The following COMTD1 variants were observed in gnomAD, a reference collection of about 807,000 sequenced individuals.
The protein encoded by COMTD1 is catechol O-methyltransferase domain-containing protein 1.
A neutral mutation model predicts 33.6 loss-of-function variants in COMTD1; 35 were observed. The observed-to-expected ratio is 1.04, with a 90% CI of 0.80 to 1.38. COMTD1 has a LOEUF of 1.38. COMTD1 is among the 40% of genes most tolerant of loss of function. The pLI, the probability that COMTD1 is intolerant of heterozygous loss-of-function variation, is 0.00. For synonymous variants in COMTD1, 160 were observed against 176.8 expected (o/e 0.91, Z 0.75); for missense variants, 370 against 363.4 (o/e 1.02, Z -0.15).
chr10:75,235,534 G>C (rs2132294298), intron 2 of COMTD1, 82 bp downstream of exon 2: 3 of 1,452,786 alleles, frequency 2.1e-6, no homozygotes, highest in Non-Finnish European at 2.7e-6. Flanking sequence ...GGGAGGGCCA[G>C]GGCCCAGCCC....
At chr10:75,234,346 T>C in intron 6 of COMTD1, 121 bp from the exon 7 acceptor site, 1 of 1,026,096 alleles carries the variant, frequency 9.7e-7, no homozygotes, top group Non-Finnish European at 1.3e-6. Flanking sequence ...TGGAGGGAGG[T>C]GCCCAGACGG....
Position 75,234,018 on chromosome 10 carries a change from A to C in COMTD1, c.*55T>G. ...ATTTTCGAATTTAAAACTCAGGGTC[A>C]ATTCCTGGGGTTCCCAGGCAACCCT... is the stretch of plus-strand genomic sequence containing the variant. On this transcript the variant is annotated 3_prime_UTR_variant, in exon 7 of 7. Coordinates refer to ENST00000372538, the MANE Select transcript of COMTD1 (RefSeq NM_144589.4). 1 of 1,613,024 alleles carries C rather than the reference A, an allele frequency of 6.2e-7. No individual in the cohort carries two copies. Among genetic ancestry groups the C allele is most frequent in the South Asian group, 1.1e-5 (1 of 91,072 alleles).
chr10:75,234,856 G>A, intron 5 of COMTD1, 82 bp downstream of exon 5: 1 of 1,530,426 alleles, frequency 6.5e-7, no homozygotes. Flanking sequence ...TAACCTGCCC[G>A]GCAGGCCCAG....
Position 75,234,208 on chromosome 10 carries a change from C to G in COMTD1, c.654G>C (p.Lys218Asn). ...LAVLRVLWRG[K>N]VLQPPKGDVA... ...CGTCCCCTTTCGGAGGTTGCAGCACCTTCCCGCGCCACAGGACCTGCGGGA... is the reference window on the plus strand; with the variant it reads ...CGTCCCCTTTCGGAGGTTGCAGCACGTTCCCGCGCCACAGGACCTGCGGGA... The change falls in exon 7 of 7, where the codon AAG (lysine) becomes AAC (asparagine). Residue 218 changes from lysine (K) to asparagine (N), a missense_variant. Physicochemically the swap from Lys to Asn is moderately conservative, Grantham distance 94 (BLOSUM62 0). Transcript: ENST00000372538. 1 of 1,612,248 alleles carries G rather than the reference C, an allele frequency of 6.2e-7. No individual in the cohort carries two copies. The highest frequency in any genetic ancestry group is 8.5e-7 in the Non-Finnish European group (1 of 1,179,882).
rs1379456325 is a variant in COMTD1, at chr10:75,234,011, CAG to C, written c.*60_*61del. ...CCACTTTATTTTCGAATTTAAAACTCAGGGTCAATTCCTGGGGTTCCCAGGCA... is the reference window on the plus strand; with the variant it reads ...CCACTTTATTTTCGAATTTAAAACTCGGTCAATTCCTGGGGTTCCCAGGCA... On this transcript the variant is annotated 3_prime_UTR_variant, in exon 7 of 7. Transcript: ENST00000372538. 1.2e-6 allele frequency: 2 copies of C among 1,612,478 alleles called. No homozygotes were observed. The highest frequency in any genetic ancestry group is 1.7e-6 in the Non-Finnish European group (2 of 1,179,846).
intron 6 of COMTD1, 192 bp from the exon 7 acceptor site, chr10:75,234,417 G>A: frequency 9.4e-7 from 1 of 1,062,720 alleles, no homozygotes; most frequent in Non-Finnish European, 1.3e-6. Context: ...GGAGGTGCCC[G>A]GGCAGGAGGT....
chr10:75,235,685 G>C lies in COMTD1; in HGVS notation c.153C>G (p.Asp51Glu). 1 of 1,597,794 alleles carries C rather than the reference G, an allele frequency of 6.3e-7. No individual in the cohort carries two copies. The highest frequency in any genetic ancestry group is 8.5e-7 in the Non-Finnish European group (1 of 1,173,722). Reference protein sequence around the residue: ...RREQCLLPPEDSRLWQYLLSR... With the variant: ...RREQCLLPPEESRLWQYLLSR... ...TCAGAAGATACTGCCACAGGCGGCT[G>C]TCCTCGGGGGGAAGCAGGCACTGCT... is the stretch of plus-strand genomic sequence containing the variant. The change falls in exon 2 of 7, where the codon GAC (aspartate) becomes GAG (glutamate). Residue 51 changes from aspartate to glutamate, a missense_variant. Coordinates refer to ENST00000372538, the MANE Select transcript of COMTD1 (RefSeq NM_144589.4).
In COMTD1 at chr10:75,235,335, GTCA is replaced by G. The variant is rs761317002; in HGVS notation, c.257_259del (p.Met86del). 1.9e-6 allele frequency: 3 copies of G among 1,593,840 alleles called. No homozygotes were observed. The highest frequency in any genetic ancestry group is 4.6e-5 in the East Asian group (2 of 43,798). On this transcript the variant is annotated inframe_deletion, in exon 3 of 7. Transcript: ENST00000372538. ...GGCCAAGAGCTGGGCCTGCTCGCAG[GTCA>G]TCATAGAATCCCCCTGCGGCTGCTC...
rs1842155277 is a variant in COMTD1, at chr10:75,234,353, A to G, written c.637-128T>C. ...CGGGGTCTTGGAGGGAGGTGCCCAGACGGAAGGCGGGGTCTCGGAGGGAGG... is the reference window on the plus strand; with the variant it reads ...CGGGGTCTTGGAGGGAGGTGCCCAGGCGGAAGGCGGGGTCTCGGAGGGAGG... On this transcript the variant is annotated intron_variant, in intron 6 of 6. Coordinates refer to ENST00000372538, the MANE Select transcript of COMTD1 (RefSeq NM_144589.4). 5.2e-6 allele frequency: 5 copies of G among 968,122 alleles called. No individual in the cohort carries two copies. In the Admixed American group the frequency reaches 1.3e-4, roughly 26 times the overall value. 60.0% of individuals were successfully genotyped at this position (968,122 alleles called of 1,614,324 possible).
chr10:75,234,081 T>C lies in COMTD1; in HGVS notation c.781A>G (p.Lys261Glu). Residue 261 changes from lysine (K) to glutamate (E), a missense_variant, in exon 7 of 7, where the codon AAG (lysine) becomes GAG (glutamate). Coordinates refer to ENST00000372538, the MANE Select transcript of COMTD1 (RefSeq NM_144589.4). ...PLGDGLTLAF[K>E]I ...CTCACTAGGGGCCAGCCCTAGATCTTGAAGGCCAAGGTGAGTCCATCGCCC... is the reference window on the plus strand; with the variant it reads ...CTCACTAGGGGCCAGCCCTAGATCTCGAAGGCCAAGGTGAGTCCATCGCCC... 6.2e-7 allele frequency: 1 copy of C among 1,614,022 alleles called. No individual in the cohort carries two copies. The highest frequency in any genetic ancestry group is 1.6e-4 in the Middle Eastern group (1 of 6,062).
In COMTD1 at chr10:75,234,154, G is replaced by A; in HGVS notation, c.708C>T (p.Asn236=). The change falls in exon 7 of 7, where the codon AAC becomes AAT. Residue 236 remains asparagine, a synonymous_variant. Transcript: ENST00000372538. ...DVAAECVRNL[N]ERIRRDVRVY... ...CCCTGACGTCCCGCCGGATGCGTTC[G>A]TTTAGGTTTCGCACACACTCGGCCG... The A allele has an allele frequency of 6.2e-7, 1 of 1,613,738 alleles. No homozygotes were observed. The highest frequency in any genetic ancestry group is 8.5e-7 in the Non-Finnish European group (1 of 1,180,020).
In COMTD1 at chr10:75,234,739, C is replaced by G; in HGVS notation, c.507G>C (p.Glu169Asp). ...TGCCGGCCTCGCCCGCCGCCAGCAG[C>G]TCGTCTTGCGGGGGGAGGGAGGGCA... The part of the protein sequence containing the change: ...RLKPALETLD[E>D]LLAAGEAGTF... The change falls in exon 6 of 7, where the codon GAG becomes GAC. Residue 169 changes from glutamate to aspartate, a missense_variant. Physicochemically the swap from Glu to Asp is conservative, Grantham distance 45 (BLOSUM62 2). Transcript: ENST00000372538. 6.3e-7 allele frequency: 1 copy of G among 1,586,762 alleles called. No homozygotes were observed.
chr10:75,234,243 C>T lies in COMTD1; in HGVS notation c.637-18G>A. 1 of 1,600,338 alleles carries T rather than the reference C, an allele frequency of 6.2e-7. No individual in the cohort carries two copies. Among genetic ancestry groups the T allele is most frequent in the Non-Finnish European group, 8.5e-7 (1 of 1,175,062 alleles). ...CACAGGACCTGCGGGAGGGCGGGGC[C>T]AACCGGGCCGTGGGAGGCGGGGCTT... is the stretch of plus-strand genomic sequence containing the variant. On this transcript the variant is annotated intron_variant, in intron 6 of 6. Coordinates refer to ENST00000372538, the MANE Select transcript of COMTD1 (RefSeq NM_144589.4).
chr10:75,234,786 C>T, intron 5 of COMTD1, 43 bp from the exon 6 acceptor site: 1 of 1,544,828 alleles, frequency 6.5e-7, no homozygotes, highest in Non-Finnish European at 8.7e-7. Flanking sequence ...GTCCGCGGCC[C>T]CGGCGGCCCT....
Position 75,234,709 on chromosome 10 carries a change from G to C in COMTD1, c.537C>G (p.Phe179Leu). The change falls in exon 6 of 7, where the codon TTC becomes TTG. Residue 179 changes from phenylalanine (F) to leucine (L), a missense_variant. Physicochemically the swap from Phe to Leu is conservative, Grantham distance 22. Coordinates refer to ENST00000372538, the MANE Select transcript of COMTD1 (RefSeq NM_144589.4). ...TGTCCGCATCCACCACGGCCACGTCGAAGGTGCCGGCCTCGCCCGCCGCCA... is the reference window on the plus strand; with the variant it reads ...TGTCCGCATCCACCACGGCCACGTCCAAGGTGCCGGCCTCGCCCGCCGCCA... ...ELLAAGEAGTFDVAVVDADKE... is the reference protein window; with the variant it reads ...ELLAAGEAGTLDVAVVDADKE... 2 of 1,593,430 alleles carry C rather than the reference G, an allele frequency of 1.3e-6. No homozygotes were observed. The highest frequency in any genetic ancestry group is 8.5e-7 in the Non-Finnish European group (1 of 1,171,530).
chr10:75,235,790 A>C (rs1277383980), intron 1 of COMTD1, 45 bp downstream of exon 1: 2 of 1,553,266 alleles, frequency 1.3e-6, no homozygotes, highest in Non-Finnish European at 1.7e-6. Flanking sequence ...GCCGCGCCCT[A>C]CTCTGCGCCC....
rs1318761765 is a variant in COMTD1, at chr10:75,234,671, G to A, written c.575C>T (p.Ser192Phe). Residue 192 changes from serine to phenylalanine, a missense_variant, in exon 6 of 7, where the codon TCC becomes TTC. Coordinates refer to ENST00000372538, the MANE Select transcript of COMTD1 (RefSeq NM_144589.4). ...AVVDADKENCSAYYERCLQLL... is the reference protein window; with the variant it reads ...AVVDADKENCFAYYERCLQLL... ...CTGCAGGCAGCGCTCGTAGTAGGCG[G>A]AGCAGTTCTCCTTGTCCGCATCCAC... is the stretch of plus-strand genomic sequence containing the variant. 1 of 1,583,244 alleles carries A rather than the reference G, an allele frequency of 6.3e-7. No individual in the cohort carries two copies. Among genetic ancestry groups the A allele is most frequent in the African/African-American group, 1.3e-5 (1 of 74,124 alleles).
chr10:75,233,863 G>T lies in COMTD1; in HGVS notation c.*210C>A. 1 of 1,326,388 alleles carries T rather than the reference G, an allele frequency of 7.5e-7. No individual in the cohort carries two copies. Among genetic ancestry groups the T allele is most frequent in the Non-Finnish European group, 1.0e-6 (1 of 1,003,218 alleles). The allele number at this position is 1,326,388 out of a possible 1,614,324, so 82.2% of individuals were successfully genotyped here. A position where few individuals can be genotyped will look rare whatever the true frequency, so the allele number is the denominator to read the frequency against. On this transcript the variant is annotated 3_prime_UTR_variant, in exon 7 of 7. Coordinates refer to ENST00000372538, the MANE Select transcript of COMTD1 (RefSeq NM_144589.4). ...CCTGCAGTTGGGCCACAGACCTGGC[G>T]CCAGGGAGGGGACGAATCTCAAGGC... is the stretch of plus-strand genomic sequence containing the variant.
chr10:75,235,937 C>T lies in COMTD1; in HGVS notation c.-9G>A. 1 of 1,442,704 alleles carries T rather than the reference C, an allele frequency of 6.9e-7. No homozygotes were observed. Among genetic ancestry groups the T allele is most frequent in the East Asian group, 2.8e-5 (1 of 36,042 alleles). The allele number at this position is 1,442,704 out of a possible 1,614,324, so 89.4% of individuals were successfully genotyped here. A position where few individuals can be genotyped will look rare whatever the true frequency, so the allele number is the denominator to read the frequency against. On this transcript the variant is annotated 5_prime_UTR_variant, in exon 1 of 7. Coordinates refer to ENST00000372538, the MANE Select transcript of COMTD1 (RefSeq NM_144589.4). ...GGCACCGGCTGGGTCATGGCGCGGG[C>T]AGGAGGCGGCGGGAGGCAGTGACAG...
Sources: gnomAD v4.1 joint callset for allele counts on GRCh38, gnomAD v4.1.1 for gene constraint, MANE v1.5 for transcripts, NCBI Gene and HGNC (gene_info 2026-07-23, HGNC 2026-07-21) for gene names.